The following SHTN1 variants were observed in gnomAD, a reference collection of about 807,000 sequenced individuals.
The protein encoded by SHTN1 is shootin-1.
A neutral mutation model predicts 83.1 loss-of-function variants in SHTN1; 42 were observed. That is an observed-to-expected ratio of 0.51 (90% CI 0.39 to 0.65). The LOEUF (loss-of-function observed/expected upper bound fraction) is 0.65. Among genes scored for constraint, SHTN1 ranks in the 30% least tolerant of loss-of-function variants. The probability of loss-of-function intolerance (pLI) is 0.00; values close to 1 mark genes in which losing one functional copy is unlikely to be tolerated. For missense variants in SHTN1, 622 were observed against 737.8 expected (o/e 0.84, Z 1.82); for synonymous variants, 224 against 247.7 (o/e 0.90, Z 0.90).
chr10:117,070,124 T>TAA (rs11453268), intron 1 of SHTN1, among the ~76,000 whole-genome samples: 321 of 145,688 alleles, frequency 2.2e-3, no homozygotes, highest in African/African-American at 5.4e-3. Context: ...ATCAAACTGC[T>TAA]AAAAAAAAAA....
chr10:116,884,920 CAGTT>C lies in SHTN1; in HGVS notation c.*1420_*1423del, dbSNP rs1164733477. ...AAGCATATCATATAGCAGTATTATC[CAGTT>C]AAAGAAAGATACAGTTGAAAAACAT... On this transcript the variant is annotated 3_prime_UTR_variant, in exon 17 of 17. Coordinates refer to ENST00000355371, the MANE Select transcript of SHTN1 (RefSeq NM_001127211.3). The C allele has an allele frequency of 6.6e-6, 1 of 152,172 alleles. No individual in the cohort carries two copies. Among genetic ancestry groups the C allele is most frequent in the Non-Finnish European group, 1.5e-5 (1 of 68,052 alleles). 9.4% of individuals were successfully genotyped at this position (152,172 alleles called of 1,614,324 possible). A position where few individuals can be genotyped will look rare whatever the true frequency, so the allele number is the denominator to read the frequency against.
chr10:117,106,499 T>G (rs561864809), intron 1 of SHTN1, among the ~76,000 whole-genome samples: 1 of 152,192 alleles, frequency 6.6e-6, no homozygotes, highest in African/African-American at 2.4e-5. Context: ...ATGTCCTATG[T>G]TGAGACCAGA....
chr10:116,907,988 T>G (rs556877823), intron 14 of SHTN1: 1 of 484,052 alleles, frequency 2.1e-6, no homozygotes, highest in South Asian at 1.5e-5. Context: ...AAGCCTTGTT[T>G]CTTCTTTAGC....
intron 2 of SHTN1, among the ~76,000 whole-genome samples, chr10:117,028,251 A>G (rs966810028): frequency 3.3e-5 from 5 of 152,194 alleles, no homozygotes; most frequent in Non-Finnish European, 7.3e-5. Context: ...GGCTGCTTCT[A>G]ATAGCCTTTG....
intron 1 of SHTN1, among the ~76,000 whole-genome samples, chr10:117,064,219 C>T (rs901836676): frequency 2.6e-5 from 4 of 152,208 alleles, no homozygotes; most frequent in Non-Finnish European, 4.4e-5. Context: ...CATGAGTTTG[C>T]TGTGGCTACC....
intron 1 of SHTN1, among the ~76,000 whole-genome samples, chr10:117,086,194 A>G (rs1245591457): frequency 6.6e-6 from 1 of 152,190 alleles, no homozygotes; most frequent in Non-Finnish European, 1.5e-5. Context: ...CTGGGATTAC[A>G]GGCGTGAGCC....
Position 117,118,684 on chromosome 10 carries a change from T to A in SHTN1, c.-189+7623A>T, listed in dbSNP as rs1261947269. 2.0e-5 allele frequency among the ~76,000 whole-genome samples: 3 copies of A among 152,090 alleles called. No homozygotes were observed. In the East Asian group the frequency reaches 5.8e-4, roughly 29 times the overall value. ...TCAACGAATTAGTGGATAAAGAAAATGTGGTATACATGTGTTCTCACTTAT... is the reference window on the plus strand; with the variant it reads ...TCAACGAATTAGTGGATAAAGAAAAAGTGGTATACATGTGTTCTCACTTAT... On this transcript the variant is annotated intron_variant, in intron 1 of 17. Transcript: ENST00000392901.
At chr10:117,081,429 T>C (rs376558126) in intron 1 of SHTN1, among the ~76,000 whole-genome samples, 11 of 140,398 alleles carry the variant, frequency 7.8e-5, no homozygotes, top group Admixed American at 2.2e-4. Flanking sequence ...CTGCTGGATT[T>C]GGTTTGCCAG....
In SHTN1 at chr10:116,988,534, ATTATTTAT is replaced by A. The variant is rs766851847; in HGVS notation, c.59-9234_59-9227del. Among the ~76,000 whole-genome samples, 22 of 145,504 alleles carry A rather than the reference ATTATTTAT, an allele frequency of 1.5e-4. No individual in the cohort carries two copies. The East Asian group carries it at 4.4e-3, about 29-fold the overall frequency. On this transcript the variant is annotated intron_variant, in intron 1 of 16. Coordinates refer to ENST00000355371, the MANE Select transcript of SHTN1 (RefSeq NM_001127211.3). ...ATATTTTATCTTATTTTACTTATAT[ATTATTTAT>A]TTATTTATTTATTTTATTATTTTTG...
At chr10:116,904,329 A>C (rs1227473982) in intron 15 of SHTN1, among the ~76,000 whole-genome samples, 1 of 152,174 alleles carries the variant, frequency 6.6e-6, no homozygotes, top group African/African-American at 2.4e-5. Context: ...AAAAATATTC[A>C]CATGGTAAAA....
chr10:116,906,404 T>C (rs1387188714), intron 15 of SHTN1, among the ~76,000 whole-genome samples: 1 of 152,244 alleles, frequency 6.6e-6, no homozygotes, highest in African/African-American at 2.4e-5. Flanking sequence ...GATCTATAAA[T>C]GCCTGGTTAC....
chr10:117,030,493 TCAC>T (rs1852399307), intron 2 of SHTN1, among the ~76,000 whole-genome samples: 1 of 151,968 alleles, frequency 6.6e-6, no homozygotes, highest in South Asian at 2.1e-4. Context: ...AAACAGGACA[TCAC>T]CACATGAACT....
Position 117,047,476 on chromosome 10 carries a change from T to C in SHTN1, c.-123+969A>G, listed in dbSNP as rs187180943. On this transcript the variant is annotated intron_variant, in intron 2 of 17. Transcript: ENST00000392901. ...ATCTGGGTGATAAGAGACATGAATA[T>C]AATATGGTCCTAACTCTCAAATAAA... Among the ~76,000 whole-genome samples the C allele has an allele frequency of 3.5e-3, 539 of 152,294 alleles. 5 individuals are homozygous for C. Among genetic ancestry groups the C allele is most frequent in the Middle Eastern group, 0.017 (5 of 294 alleles).
chr10:117,055,078 C>T (rs573757567), intron 1 of SHTN1, among the ~76,000 whole-genome samples: 3 of 152,244 alleles, frequency 2.0e-5, no homozygotes, highest in South Asian at 2.1e-4. Context: ...AAGCAAGGCA[C>T]GTCTTACATG....
chr10:117,064,442 T>G (rs1179578086), intron 1 of SHTN1, among the ~76,000 whole-genome samples: 1 of 151,990 alleles, frequency 6.6e-6, no homozygotes, highest in Non-Finnish European at 1.5e-5. Flanking sequence ...GATCACGAGG[T>G]CAGGAGTTTG....
chr10:117,053,609 G>C (rs1251616791), intron 1 of SHTN1, among the ~76,000 whole-genome samples: 1 of 152,164 alleles, frequency 6.6e-6, no homozygotes, highest in Non-Finnish European at 1.5e-5. Context: ...AAAATGGGAA[G>C]TGTTGGCAAG....
upstream of SHTN1, among the ~76,000 whole-genome samples, chr10:117,007,679 T>C (rs201369310): frequency 2.0e-5 from 3 of 151,666 alleles, no homozygotes; most frequent in African/African-American, 7.3e-5. Context: ...CATTACACTA[T>C]TGTTTATTTA....
chr10:116,939,561 G>A lies in SHTN1; in HGVS notation c.858+905C>T, dbSNP rs146782353. Among the ~76,000 whole-genome samples the A allele has an allele frequency of 5.6e-4, 85 of 152,290 alleles. 1 individual carries two copies. In the East Asian group the frequency reaches 0.011, roughly 20 times the overall value. On this transcript the variant is annotated intron_variant, in intron 9 of 16. Transcript: ENST00000355371. ...AATGCAGAAATCACCCGCCTTCTGCGTTGATCCCGCTCGGAGCTGCAGACC... is the reference window on the plus strand; with the variant it reads ...AATGCAGAAATCACCCGCCTTCTGCATTGATCCCGCTCGGAGCTGCAGACC...
At position 116,979,305 on chromosome 10, in the gene SHTN1, A is replaced by G. The variant is rs1024521250; in HGVS notation, c.62T>C (p.Ile21Thr). 3.1e-6 allele frequency: 5 copies of G among 1,613,476 alleles called. No homozygotes were observed. The Admixed American group carries it at 5.0e-5, about 16-fold the overall frequency. The part of the protein sequence containing the change: ...QLITSLKEQA[I>T]GEYEDLRAEN... ...TGCTCTAAGGTCTTCATATTCGCCTATTGCTAAAAGAAAAAAGGAAAGCAA... is the reference window on the plus strand; with the variant it reads ...TGCTCTAAGGTCTTCATATTCGCCTGTTGCTAAAAGAAAAAAGGAAAGCAA... The change falls in exon 2 of 17, where the codon ATA (isoleucine) becomes ACA (threonine). Residue 21 changes from isoleucine to threonine, a missense_variant. Coordinates refer to ENST00000355371, the MANE Select transcript of SHTN1 (RefSeq NM_001127211.3).
Sources: gnomAD v4.1 joint callset for allele counts (sites outside exome capture counted in the v4.1 genomes callset) on GRCh38, gnomAD v4.1.1 for gene constraint, MANE v1.5 for transcripts, NCBI Gene and HGNC (gene_info 2026-07-23, HGNC 2026-07-21) for gene names.